The following RFX4 variants were observed in gnomAD, a reference collection of about 807,000 sequenced individuals.
The protein encoded by RFX4 is regulatory factor X4.
Under a neutral mutation model 95.0 loss-of-function variants are expected in RFX4, and 10 were observed. The observed-to-expected ratio is 0.11, with a 90% CI of 0.06 to 0.18. The LOEUF (loss-of-function observed/expected upper bound fraction) is 0.18, where lower values mean the gene tolerates loss of function less well. Among genes scored for constraint, RFX4 ranks in the 10% least tolerant of loss-of-function variants. The pLI is 1.00. For synonymous variants in RFX4, 321 were observed against 340.7 expected, an observed-to-expected ratio of 0.94 and a Z score of 0.64; for missense variants, 640 against 922.0, an observed-to-expected ratio of 0.69 and a Z score of 3.96.
At chr12:106,625,959 C>A (rs997365848) in intron 2 of RFX4, among the ~76,000 whole-genome samples, 1 of 152,204 alleles carries the variant, frequency 6.6e-6, no homozygotes, top group African/African-American at 2.4e-5. Flanking sequence ...ATTGCTGGCT[C>A]TCTTTTGACT....
At chr12:106,600,806 T>C (rs537940092) in intron 1 of RFX4, among the ~76,000 whole-genome samples, 4 of 152,214 alleles carry the variant, frequency 2.6e-5, no homozygotes, top group African/African-American at 9.6e-5. Context: ...CCCAGGCCCT[T>C]GCACTCCAAC....
At chr12:106,606,316 C>G (rs2039832993) in intron 1 of RFX4, among the ~76,000 whole-genome samples, 2 of 151,998 alleles carry the variant, frequency 1.3e-5, no homozygotes, top group South Asian at 4.2e-4. Flanking sequence ...CTAGGAAGAC[C>G]AGGGGTTGGC....
chr12:106,614,654 A>G lies in RFX4; in HGVS notation c.130+5771A>G, dbSNP rs989037715. ...CTCCTGAGTAGCTGGGACTACAGGCACCCGCCACCACGCCCGGCTAATTTT... is the reference window on the plus strand; with the variant it reads ...CTCCTGAGTAGCTGGGACTACAGGCGCCCGCCACCACGCCCGGCTAATTTT... On this transcript the variant is annotated intron_variant, in intron 2 of 17. Transcript: ENST00000392842. 3.3e-5 allele frequency among the ~76,000 whole-genome samples: 5 copies of G among 151,592 alleles called. No individual in the cohort carries two copies. The South Asian group carries it at 8.4e-4, about 25-fold the overall frequency.
chr12:106,697,641 T>C (rs901671713), intron 8 of RFX4, among the ~76,000 whole-genome samples: 52 of 152,248 alleles, frequency 3.4e-4, no homozygotes, highest in African/African-American at 1.3e-3. Context: ...GCCATGCCTG[T>C]CTTCTGGCTC....
chr12:106,628,476 T>A (rs1238713863), intron 2 of RFX4, among the ~76,000 whole-genome samples: 1 of 152,206 alleles, frequency 6.6e-6, no homozygotes. Flanking sequence ...TTTTTGGCAC[T>A]CCAGGACCAC....
chr12:106,652,581 C>T (rs1212410584), intron 3 of RFX4, among the ~76,000 whole-genome samples: 1 of 152,126 alleles, frequency 6.6e-6, no homozygotes, highest in East Asian at 1.9e-4. Flanking sequence ...TAAAAACTAT[C>T]CCAAGTTACT....
intron 4 of RFX4, among the ~76,000 whole-genome samples, chr12:106,671,480 A>G (rs1922436): frequency 0.38 from 56,888 of 151,648 alleles, 10,812 homozygotes; most frequent in African/African-American, 0.42. Context: ...TGGCTCTGGC[A>G]TGTGTGGGCA....
intron 8 of RFX4, among the ~76,000 whole-genome samples, chr12:106,706,027 G>A (rs2042078351): frequency 6.6e-6 from 1 of 152,234 alleles, no homozygotes; most frequent in Non-Finnish European, 1.5e-5. Context: ...GAATCATCAG[G>A]GGTGCTGACC....
intron 7 of RFX4, among the ~76,000 whole-genome samples, chr12:106,691,319 C>T (rs1256219561): frequency 6.6e-6 from 1 of 152,200 alleles, no homozygotes; most frequent in Non-Finnish European, 1.5e-5. Context: ...ATGTATCAAC[C>T]AGAGTGTTCA....
intron 11 of RFX4, among the ~76,000 whole-genome samples, chr12:106,715,957 G>A (rs2137514799): frequency 6.6e-6 from 1 of 152,278 alleles, no homozygotes; most frequent in Middle Eastern, 3.4e-3. Flanking sequence ...CTATTGGTAG[G>A]TGAACCTTTC....
At chr12:106,716,681 TTTTC>T (rs900486326) in intron 11 of RFX4, among the ~76,000 whole-genome samples, 1 of 152,094 alleles carries the variant, frequency 6.6e-6, no homozygotes, top group Admixed American at 6.6e-5. Flanking sequence ...CCAAGCCCAC[TTTTC>T]CCCTGGTAAG....
chr12:106,645,225 C>G (rs980338048), intron 3 of RFX4, among the ~76,000 whole-genome samples: 2 of 152,204 alleles, frequency 1.3e-5, no homozygotes, highest in African/African-American at 4.8e-5. Flanking sequence ...TCCCAACTCA[C>G]TGGGGATGGT....
intron 2 of RFX4, among the ~76,000 whole-genome samples, chr12:106,611,425 A>G (rs1308949108): frequency 3.3e-5 from 5 of 149,778 alleles, no homozygotes; most frequent in African/African-American, 1.2e-4. Flanking sequence ...TTTTTCTGAG[A>G]GTTTTACAGT....
chr12:106,736,311 C>T (rs1291313681), intron 15 of RFX4, among the ~76,000 whole-genome samples: 1 of 152,198 alleles, frequency 6.6e-6, no homozygotes, highest in Non-Finnish European at 1.5e-5. Context: ...CACAGACCAG[C>T]AGTATCAGTA....
At position 106,761,629 on chromosome 12, in the gene RFX4, T is replaced by A. The variant is rs1313642053; in HGVS notation, c.*160T>A. 1 of 398,888 alleles carries A rather than the reference T, an allele frequency of 2.5e-6. No homozygotes were observed. The allele number at this position is 398,888 out of a possible 1,614,324, so 24.7% of individuals were successfully genotyped here. Reference sequence around the variant, plus strand: ...AATGAACATGAGGATGGGATCAATGTGGGATGAATAAACTTTAGTTCAGAA... The same window carrying A: ...AATGAACATGAGGATGGGATCAATGAGGGATGAATAAACTTTAGTTCAGAA... On this transcript the variant is annotated 3_prime_UTR_variant, in exon 18 of 18. Coordinates refer to ENST00000392842, the MANE Select transcript of RFX4 (RefSeq NM_213594.3).
At chr12:106,737,345 A>G (rs2042730375) in intron 15 of RFX4, among the ~76,000 whole-genome samples, 1 of 151,790 alleles carries the variant, frequency 6.6e-6, no homozygotes, top group Admixed American at 6.6e-5. Flanking sequence ...TATAATAGCA[A>G]ACAATAGAAG....
At chr12:106,730,668 G>A (rs2042591966) in intron 13 of RFX4, among the ~76,000 whole-genome samples, 1 of 152,106 alleles carries the variant, frequency 6.6e-6, no homozygotes, top group Non-Finnish European at 1.5e-5. Context: ...CCATGATGAA[G>A]ACAGAATGAC....
chr12:106,741,487 A>C (rs938436611), intron 15 of RFX4, among the ~76,000 whole-genome samples: 1 of 152,226 alleles, frequency 6.6e-6, no homozygotes, highest in Non-Finnish European at 1.5e-5. Context: ...AACAGTAGCC[A>C]TTAGCCACCT....
chr12:106,724,910 G>A (rs1389764832), intron 13 of RFX4, among the ~76,000 whole-genome samples: 1 of 151,734 alleles, frequency 6.6e-6, no homozygotes, highest in East Asian at 1.9e-4. Context: ...TACTCGGGAG[G>A]CTGAGGCAGG....
Sources: gnomAD v4.1 joint callset for allele counts (sites outside exome capture counted in the v4.1 genomes callset) on GRCh38, gnomAD v4.1.1 for gene constraint, MANE v1.5 for transcripts, NCBI Gene and HGNC (gene_info 2026-07-23, HGNC 2026-07-21) for gene names.